Variants in VAV2 observed in about 807,000 individuals in gnomAD.
The protein encoded by VAV2 is vav guanine nucleotide exchange factor 2, also known as guanine nucleotide exchange factor VAV2.
VAV2 carries 67 observed loss-of-function variants against 132.5 expected under a neutral mutation model. The observed-to-expected ratio is 0.51, with a 90% CI of 0.42 to 0.62. The LOEUF (loss-of-function observed/expected upper bound fraction) is 0.62, where lower values mean the gene tolerates loss of function less well. VAV2 is among the 20% of genes least tolerant of loss of function. The probability of loss-of-function intolerance (pLI) is 0.00; values close to 1 mark genes in which losing one functional copy is unlikely to be tolerated. For missense variants in VAV2, 938 were observed against 1,153.6 expected, an observed-to-expected ratio of 0.81 and a Z score of 2.71; for synonymous variants, 492 against 443.5, an observed-to-expected ratio of 1.11 and a Z score of -1.37.
intron 1 of VAV2, among the ~76,000 whole-genome samples, chr9:133,940,527 GA>G (rs1841100021): frequency 1.3e-5 from 2 of 152,072 alleles, no homozygotes; most frequent in South Asian, 4.1e-4. Context: ...CGCCCCTGCT[GA>G]CCCCTCACCC....
chr9:133,820,480 C>T (rs375429242), intron 4 of VAV2, among the ~76,000 whole-genome samples: 14 of 152,052 alleles, frequency 9.2e-5, no homozygotes, highest in African/African-American at 3.4e-4. Flanking sequence ...CCCAGCACCA[C>T]GCCCGGCTAA....
chr9:133,810,093 G>A, intron 6 of VAV2, 98 bp downstream of exon 6: 1 of 1,554,564 alleles, frequency 6.4e-7, no homozygotes. Context: ...CCTGGGGGCA[G>A]GGTCCCGAGT....
At position 133,824,402 on chromosome 9, in the gene VAV2, G is replaced by A. The variant is rs537899953; in HGVS notation, c.449+9870C>T. ...CCCTCCTAAAACCCCAGCCCAAAACGGCCCTCAGTTCCCGAGAACAGACAT... is the reference window on the plus strand; with the variant it reads ...CCCTCCTAAAACCCCAGCCCAAAACAGCCCTCAGTTCCCGAGAACAGACAT... On this transcript the variant is annotated intron_variant, in intron 4 of 29. Coordinates refer to ENST00000371850, the MANE Select transcript of VAV2 (RefSeq NM_001134398.2). This position sits in a 1 kb window ranked among gnomAD's most constrained non-coding sequence, Gnocchi z 5.2. Among the ~76,000 whole-genome samples, 40 of 151,246 alleles carry A rather than the reference G, an allele frequency of 2.6e-4. No homozygotes were observed. The highest frequency in any genetic ancestry group is 9.5e-4 in the African/African-American group (39 of 41,032).
At chr9:133,868,075 T>G (rs1463336777) in intron 2 of VAV2, among the ~76,000 whole-genome samples, 2 of 152,222 alleles carry the variant, frequency 1.3e-5, no homozygotes, top group Non-Finnish European at 2.9e-5. Flanking sequence ...CTCCAATGAT[T>G]GTTAACTGTC....
chr9:133,832,789 C>A (rs1046958957), intron 4 of VAV2, among the ~76,000 whole-genome samples: 4 of 152,096 alleles, frequency 2.6e-5, no homozygotes, highest in African/African-American at 9.7e-5. Context: ...CGACTCCTGA[C>A]CTCAGGTGAT....
chr9:133,766,153 C>T (rs993471062), intron 29 of VAV2, among the ~76,000 whole-genome samples: 1 of 152,160 alleles, frequency 6.6e-6, no homozygotes, highest in Non-Finnish European at 1.5e-5. Flanking sequence ...GAAAGGTAAA[C>T]ACGGGGTAAA....
chr9:133,950,535 C>T lies in VAV2; in HGVS notation c.205-11316G>A, dbSNP rs113149869. ...CGGGGGGTATAAAGAGTGGCCCACA[C>T]AATCGGGACTTCAAGGTCAGGGTCA... On this transcript the variant is annotated intron_variant, in intron 1 of 29. Transcript: ENST00000371850. Among the ~76,000 whole-genome samples, 1,458 of 152,296 alleles carry T rather than the reference C, an allele frequency of 9.6e-3. 25 individuals carry two copies. The highest frequency in any genetic ancestry group is 0.033 in the African/African-American group (1,392 of 41,560).
At chr9:133,779,034 T>C (rs1299113190) in intron 21 of VAV2, 145 bp from the exon 22 acceptor site, 18 of 1,027,964 alleles carry the variant, frequency 1.8e-5, no homozygotes, top group Non-Finnish European at 1.8e-5. Context: ...CCCTAAATCC[T>C]TCCCATAAGC....
chr9:133,847,758 G>A (rs1277694777), intron 3 of VAV2, among the ~76,000 whole-genome samples: 1 of 152,180 alleles, frequency 6.6e-6, no homozygotes, highest in Non-Finnish European at 1.5e-5. Context: ...CTGACTCCCA[G>A]GATCAAGGGG....
chr9:133,795,911 C>T (rs1359270703), intron 11 of VAV2, among the ~76,000 whole-genome samples, 175 bp from the exon 12 acceptor site: 1 of 152,244 alleles, frequency 6.6e-6, no homozygotes, highest in Non-Finnish European at 1.5e-5. Flanking sequence ...AGTGACTCCT[C>T]CACAGGGGAT....
chr9:133,769,432 C>A lies in VAV2; in HGVS notation c.2419G>T (p.Ala807Ser), dbSNP rs183141718. ...GCAGCGGTACCTGACCAGAAGGGAG[C>A]GGAGGGGCCCTGAGAAGCAAAGCTG... ...GLSFASQGPSAPFWSVFTPRV... is the reference protein window; with the variant it reads ...GLSFASQGPSSPFWSVFTPRV... Residue 807 changes from alanine (A) to serine (S), a missense_variant, in exon 28 of 30, where the codon GCT (alanine) becomes TCT (serine). Transcript: ENST00000371850. This position sits in a 1 kb window ranked among gnomAD's most constrained non-coding sequence, Gnocchi z 8.1. 1.9e-6 allele frequency: 3 copies of A among 1,612,312 alleles called. No individual in the cohort carries two copies. Among genetic ancestry groups the A allele is most frequent in the African/African-American group, 2.7e-5 (2 of 74,898 alleles).
chr9:133,851,738 G>A (rs1837177705), intron 3 of VAV2, among the ~76,000 whole-genome samples: 1 of 141,450 alleles, frequency 7.1e-6, no homozygotes, highest in Non-Finnish European at 1.5e-5. Context: ...GTGAATGAAT[G>A]GGTGGATGGG....
chr9:133,784,448 C>G, intron 17 of VAV2, 30 bp from the exon 18 acceptor site: 1 of 1,611,178 alleles, frequency 6.2e-7, no homozygotes, highest in Non-Finnish European at 8.5e-7. Context: ...GCAGATGCTA[C>G]ACCCACTGGA....
rs13283556 is a variant in VAV2, at chr9:133,783,877, G to C, written c.1635-286C>G. 8.0e-4 allele frequency among the ~76,000 whole-genome samples: 68 copies of C among 85,150 alleles called. 1 individual carries two copies. The highest frequency in any genetic ancestry group is 2.9e-3 in the African/African-American group (65 of 22,372). 55.9% of individuals were successfully genotyped at this position (85,150 alleles called of 152,430 possible). ...GAAACTCTAAGGGCTTGGCTGGGCC[G>C]TTTTTTTTTTTTTTTTTTTTGGAGA... On this transcript the variant is annotated intron_variant, in intron 18 of 29. Transcript: ENST00000371850.
chr9:133,892,775 G>A (rs1041681333), intron 2 of VAV2, among the ~76,000 whole-genome samples: 25 of 152,270 alleles, frequency 1.6e-4, no homozygotes, highest in South Asian at 2.1e-4. Context: ...GAGGAGGGGC[G>A]AATCCGGGCC....
intron 8 of VAV2, 114 bp downstream of exon 8, chr9:133,807,144 C>A: frequency 8.0e-7 from 1 of 1,248,270 alleles, no homozygotes. Context: ...CACGAGCCAC[C>A]ACGGAGCCAC....
In VAV2 at chr9:133,992,062, G is replaced by T. The variant is rs777114804; in HGVS notation, c.204+13C>A. ...CCGCCTCCCCGGGGCCCTCCCGCCC[G>T]CCGGGCGCTCACCTGGGACATCTGC... On this transcript the variant is annotated intron_variant, in intron 1 of 29. Transcript: ENST00000371850. The surrounding 1 kb of genome is among the most constrained non-coding windows in gnomAD (Gnocchi z 5.5). The T allele has an allele frequency of 2.6e-6, 4 of 1,539,014 alleles. No individual in the cohort carries two copies. Among genetic ancestry groups the T allele is most frequent in the Non-Finnish European group, 3.5e-6 (4 of 1,143,790 alleles).
chr9:133,992,068 C>A lies in VAV2; in HGVS notation c.204+7G>T. On this transcript the variant is annotated splice_region_variant and intron_variant, in intron 1 of 29. Transcript: ENST00000371850. This position sits in a 1 kb window ranked among gnomAD's most constrained non-coding sequence, Gnocchi z 5.5. The stretch of plus-strand genomic sequence containing the variant: ...CCCCGGGGCCCTCCCGCCCGCCGGG[C>A]GCTCACCTGGGACATCTGCGGCCGG... 1.9e-6 allele frequency: 3 copies of A among 1,549,056 alleles called. No individual in the cohort carries two copies. The highest frequency in any genetic ancestry group is 2.6e-6 in the Non-Finnish European group (3 of 1,149,104).
chr9:133,839,607 G>A (rs562403272), intron 3 of VAV2, among the ~76,000 whole-genome samples: 11 of 151,856 alleles, frequency 7.2e-5, no homozygotes, highest in African/African-American at 2.7e-4. Flanking sequence ...CCACCCCGAC[G>A]TCCAGCTAAT....
Sources: gnomAD v4.1 joint callset for allele counts (sites outside exome capture counted in the v4.1 genomes callset) on GRCh38, gnomAD v4.1.1 for gene constraint, Gnocchi (gnomAD v3.1) non-coding constraint, MANE v1.5 for transcripts, NCBI Gene and HGNC (gene_info 2026-07-23, HGNC 2026-07-21) for gene names.